Variants in TBC1D15 observed in about 807,000 individuals in gnomAD.
TBC1D15 encodes the protein GAP for RAB7.
Under a neutral mutation model 95.4 loss-of-function variants are expected in TBC1D15, and 39 were observed. That is an observed-to-expected ratio of 0.41 (90% CI 0.32 to 0.53). The LOEUF is 0.53. Among genes scored for constraint, TBC1D15 ranks in the 20% least tolerant of loss-of-function variants. The pLI, the probability that TBC1D15 is intolerant of heterozygous loss-of-function variation, is 0.29. For missense variants in TBC1D15, 733 were observed against 794.3 expected, an observed-to-expected ratio of 0.92 and a Z score of 0.93; for synonymous variants, 258 against 261.3, an observed-to-expected ratio of 0.99 and a Z score of 0.12.
chr12:71,868,845 A>G (rs1385849131), intron 1 of TBC1D15: 4 of 152,156 alleles, frequency 2.6e-5, no homozygotes, highest in Non-Finnish European at 5.9e-5. Flanking sequence ...CTCTTTTTCC[A>G]CTATGAGAGT....
rs1903954976 is a variant in TBC1D15, at chr12:71,917,356, T to C, written c.1402-342T>C. Among the ~76,000 whole-genome samples the C allele has an allele frequency of 2.6e-5, 4 of 152,376 alleles. No homozygotes were observed. The South Asian group carries it at 8.3e-4, about 32-fold the overall frequency. ...AAGGAATATTTAACAATGGAAAGAA[T>C]TTGATAAATATTTATTTCCCAAATG... On this transcript the variant is annotated intron_variant, in intron 12 of 16. Transcript: ENST00000485960.
intron 1 of TBC1D15, among the ~76,000 whole-genome samples, chr12:71,849,023 C>G (rs1241863853): frequency 6.6e-6 from 1 of 152,052 alleles, no homozygotes; most frequent in Admixed American, 6.5e-5. Flanking sequence ...CACTTTGTTT[C>G]TTTAACTCAG....
chr12:71,920,794 T>A lies in TBC1D15; in HGVS notation c.1663T>A (p.Ser555Thr), dbSNP rs750764095. 1 of 1,612,866 alleles carries A rather than the reference T, an allele frequency of 6.2e-7. No individual in the cohort carries two copies. Among genetic ancestry groups the A allele is most frequent in the Non-Finnish European group, 8.5e-7 (1 of 1,179,474 alleles). The change falls in exon 15 of 17, where the codon TCA (serine) becomes ACA (threonine). Residue 555 changes from serine to threonine, a missense_variant. Physicochemically the swap from Ser to Thr is moderately conservative, Grantham distance 58. Coordinates refer to ENST00000485960, the MANE Select transcript of TBC1D15 (RefSeq NM_001146213.3). The stretch of plus-strand genomic sequence containing the variant: ...TCTTCTCTGTTGTGCTATTCTGGAA[T>A]CAGAAAAGCAGCAAATAATGGAAAA... ...HLLLCCAILE[S>T]EKQQIMEKHY...
intron 1 of TBC1D15, among the ~76,000 whole-genome samples, chr12:71,871,508 T>C (rs955005295): frequency 1.3e-5 from 2 of 152,236 alleles, no homozygotes; most frequent in African/African-American, 4.8e-5. Flanking sequence ...TTTGTTCTTA[T>C]TCTTAGATAT....
intron 10 of TBC1D15, among the ~76,000 whole-genome samples, chr12:71,904,974 T>A (rs1900333338): frequency 6.6e-6 from 1 of 152,154 alleles, no homozygotes; most frequent in Non-Finnish European, 1.5e-5. Context: ...TTCTTCAGCC[T>A]TTTTTTAGCT....
intron 14 of TBC1D15, among the ~76,000 whole-genome samples, chr12:71,919,031 A>G (rs1445727974): frequency 6.6e-6 from 1 of 152,078 alleles, no homozygotes; most frequent in Non-Finnish European, 1.5e-5. Context: ...GAATGATTCC[A>G]TCACCCAGGT....
intron 3 of TBC1D15, among the ~76,000 whole-genome samples, chr12:71,874,400 A>G (rs925249528): frequency 3.9e-5 from 6 of 152,022 alleles, no homozygotes; most frequent in African/African-American, 1.4e-4. Context: ...GTCTTTTGGT[A>G]TCTGTGGGGT....
At chr12:71,876,655 GAA>G (rs1893883554) in intron 3 of TBC1D15, among the ~76,000 whole-genome samples, 3 of 152,172 alleles carry the variant, frequency 2.0e-5, no homozygotes, top group Middle Eastern at 6.8e-3. Context: ...GGCTTCCTGA[GAA>G]AAAGAGTGCA....
At chr12:71,890,535 T>C (rs1429566503) in intron 5 of TBC1D15, among the ~76,000 whole-genome samples, 1 of 152,170 alleles carries the variant, frequency 6.6e-6, no homozygotes, top group Non-Finnish European at 1.5e-5. Context: ...TAAGTTTGTC[T>C]TCATAAAGAG....
intron 3 of TBC1D15, among the ~76,000 whole-genome samples, chr12:71,874,580 C>G (rs1462152480): frequency 6.6e-6 from 1 of 151,282 alleles, no homozygotes; most frequent in East Asian, 1.9e-4. Flanking sequence ...GGAGAAATGC[C>G]TGTTCTAAAT....
At position 71,910,174 on chromosome 12, in the gene TBC1D15, A is replaced by AT. The variant is rs566384342; in HGVS notation, c.1300+3037dup. On this transcript the variant is annotated intron_variant, in intron 11 of 16. Transcript: ENST00000485960. The stretch of plus-strand genomic sequence containing the variant: ...TTTGTCAAAGATCAGATAGTTGTAG[A>AT]TATGCGACGTTATTTCTGAGGGCTC... Among the ~76,000 whole-genome samples, 865 of 151,950 alleles carry AT rather than the reference A, an allele frequency of 5.7e-3. 6 individuals are homozygous for AT. Among genetic ancestry groups the AT allele is most frequent in the African/African-American group, 0.02 (832 of 41,360 alleles).
chr12:71,886,088 G>T (rs77540836), intron 5 of TBC1D15, among the ~76,000 whole-genome samples: 2,618 of 152,268 alleles, frequency 0.017, 78 homozygotes, highest in African/African-American at 0.06. Context: ...GGAAGTATTG[G>T]AGTCTTTAGA....
chr12:71,882,270 T>C (rs906424274), intron 4 of TBC1D15, among the ~76,000 whole-genome samples: 5 of 152,208 alleles, frequency 3.3e-5, no homozygotes, highest in Non-Finnish European at 7.4e-5. Flanking sequence ...GCTACATCCT[T>C]TGTTATTATA....
chr12:71,896,551 A>C, intron 8 of TBC1D15, 126 bp from the exon 9 acceptor site: 1 of 742,756 alleles, frequency 1.3e-6, no homozygotes, highest in Non-Finnish European at 2.2e-6. Context: ...TATTCACTGA[A>C]TTGAACTATT....
chr12:71,841,761 A>G (rs951377274), intron 1 of TBC1D15, among the ~76,000 whole-genome samples: 1 of 152,058 alleles, frequency 6.6e-6, no homozygotes, highest in African/African-American at 2.4e-5. Context: ...TCTCTACACC[A>G]CCACTGGAGT....
intron 1 of TBC1D15, among the ~76,000 whole-genome samples, chr12:71,843,070 A>C (rs1293495071): frequency 2.0e-5 from 3 of 151,926 alleles, no homozygotes; most frequent in African/African-American, 7.3e-5. Flanking sequence ...GGATTACTTG[A>C]GGTCGGGAGT....
At chr12:71,902,240 T>C (rs190998794) in intron 10 of TBC1D15, among the ~76,000 whole-genome samples, 29 of 152,252 alleles carry the variant, frequency 1.9e-4, no homozygotes, top group Middle Eastern at 3.4e-3. Context: ...AAAATTCATA[T>C]GCAACCAAAA....
chr12:71,902,572 A>G (rs1243950402), intron 10 of TBC1D15, among the ~76,000 whole-genome samples: 2 of 152,180 alleles, frequency 1.3e-5, no homozygotes, highest in African/African-American at 4.8e-5. Flanking sequence ...ATATACAAAA[A>G]TCAGTCAAGA....
rs574230263 is a variant in TBC1D15 at position 71,911,098 on chromosome 12, G to A, written c.1301-2728G>A. 4.7e-4 allele frequency among the ~76,000 whole-genome samples: 71 copies of A among 152,252 alleles called. No homozygotes were observed. In the South Asian group the frequency reaches 0.014, roughly 30 times the overall value. ...ATACCATCTCACACCAGTTAGAATGGCAATCACTAAAAAGTCAGGAAACAA... is the reference window on the plus strand; with the variant it reads ...ATACCATCTCACACCAGTTAGAATGACAATCACTAAAAAGTCAGGAAACAA... On this transcript the variant is annotated intron_variant, in intron 11 of 16. Transcript: ENST00000485960.
Sources: allele counts gnomAD v4.1 joint callset (sites outside exome capture counted in the v4.1 genomes callset), GRCh38; gene constraint gnomAD v4.1.1; transcripts MANE v1.5; gene names NCBI Gene and HGNC (gene_info 2026-07-23, HGNC 2026-07-21).